Variants in MRC1 observed in about 807,000 individuals in gnomAD.
MRC1 encodes macrophage mannose receptor 1.
Under a neutral mutation model 102.9 loss-of-function variants are expected in MRC1, and 62 were observed. The observed-to-expected ratio is 0.60, with a 90% CI of 0.49 to 0.74. The LOEUF (loss-of-function observed/expected upper bound fraction) is 0.74, where lower values mean the gene tolerates loss of function less well. Ranked by LOEUF, MRC1 falls within the 30% of genes least tolerant of loss-of-function variation. The pLI, the probability that MRC1 is intolerant of heterozygous loss-of-function variation, is 0.00. For missense variants in MRC1, 1,237 were observed against 862.8 expected (o/e 1.43, Z -5.43); for synonymous variants, 457 against 298.4 (o/e 1.53, Z -5.48).
chr10:17,822,974 G>A (rs1838418125), intron 1 of MRC1, 100 bp from the exon 2 acceptor site: 2 of 726,050 alleles, frequency 2.8e-6, no homozygotes, highest in African/African-American at 1.7e-5. Context: ...GGAAATGGAA[G>A]AGTTGGAAAC....
At chr10:17,909,444 C>T in intron 29 of MRC1, 97 bp downstream of exon 29, 1 of 756,416 alleles carries the variant, frequency 1.3e-6, no homozygotes, top group Non-Finnish European at 2.4e-6. Flanking sequence ...CTCCCCTGCT[C>T]TCTCAGTAGA....
intron 28 of MRC1, among the ~76,000 whole-genome samples, chr10:17,908,764 T>C (rs1833930639): frequency 6.6e-6 from 1 of 152,156 alleles, no homozygotes; most frequent in African/African-American, 2.4e-5. Context: ...AGATGGGGTT[T>C]CACTATGTTG....
intron 1 of MRC1, among the ~76,000 whole-genome samples, chr10:17,821,358 A>T (rs1554838264): frequency 6.6e-6 from 1 of 152,172 alleles, no homozygotes; most frequent in African/African-American, 2.4e-5. Flanking sequence ...CTGGATTTTC[A>T]GCTTGTTTTT....
At chr10:17,870,790 G>T in intron 13 of MRC1, 58 bp from the exon 14 acceptor site, 1 of 864,054 alleles carries the variant, frequency 1.2e-6, no homozygotes, top group Non-Finnish European at 2.0e-6. Flanking sequence ...GTCCTCATAA[G>T]TTACTGAACT....
rs782374059 is a variant in MRC1 at position 17,823,361 on chromosome 10, T to C, written c.349T>C (p.Phe117Leu). The change falls in exon 2 of 30, where the codon TTT becomes CTT. Residue 117 changes from phenylalanine (F) to leucine (L), a missense_variant. Phe to Leu is a conservative substitution (Grantham distance 22, BLOSUM62 0). Coordinates refer to ENST00000569591, the MANE Select transcript of MRC1 (RefSeq NM_002438.4). ...LLGIKGEDLF[F>L]NYGNRQEKNI... ...GGGGATCAAAGGAGAAGATTTATTT[T>C]TTAACTACGGCAACAGACAAGAAAA... 1.5e-5 allele frequency: 12 copies of C among 780,762 alleles called. No homozygotes were observed. The Admixed American group carries it at 2.0e-4, about 13-fold the overall frequency. 48.4% of individuals were successfully genotyped at this position (780,762 alleles called of 1,614,324 possible). A position where few individuals can be genotyped will look rare whatever the true frequency, so the allele number is the denominator to read the frequency against.
intron 8 of MRC1, among the ~76,000 whole-genome samples, chr10:17,854,525 G>A (rs1833049106): frequency 3.3e-5 from 5 of 151,970 alleles, no homozygotes. Flanking sequence ...GGAAGGGTGG[G>A]TAGGAACTGA....
Position 17,845,116 on chromosome 10 carries a change from C to A in MRC1, c.917-173C>A, listed in dbSNP as rs371973241. The A allele has an allele frequency of 2.6e-3, 2,004 of 778,356 alleles. 35 individuals carry two copies. In the African/African-American group the frequency reaches 0.031, roughly 12 times the overall value. The allele number at this position is 778,356 out of a possible 1,614,324, so 48.2% of individuals were successfully genotyped here. ...TCCAACGATAAGAAAACAATAGACA[C>A]CCATCGTGTCTTTTGCTCTGCAGTC... On this transcript the variant is annotated intron_variant, in intron 5 of 29. Coordinates refer to ENST00000569591, the MANE Select transcript of MRC1 (RefSeq NM_002438.4).
In MRC1 at chr10:17,879,736, C is replaced by T. The variant is rs1833487476; in HGVS notation, c.2634C>T (p.Ser878=). ...TCTTTTCCAGTTGGATGGATGGAAG[C>T]AAAGTGGATTACGTGTCTTGGGCCA... ...LDKKFAWMDG[S]KVDYVSWATG... Residue 878 remains serine, a synonymous_variant, in exon 19 of 30, where the codon AGC becomes AGT. Coordinates refer to ENST00000569591, the MANE Select transcript of MRC1 (RefSeq NM_002438.4). 3.8e-6 allele frequency: 3 copies of T among 780,724 alleles called. No individual in the cohort carries two copies. Among genetic ancestry groups the T allele is most frequent in the Non-Finnish European group, 7.2e-6 (3 of 417,978 alleles). The allele number at this position is 780,724 out of a possible 1,614,324, so 48.4% of individuals were successfully genotyped here.
At chr10:17,838,471 TATAGGAAGTGAA>T (rs2130621628) in intron 4 of MRC1, among the ~76,000 whole-genome samples, 2 of 151,756 alleles carry the variant, frequency 1.3e-5, no homozygotes, top group South Asian at 4.2e-4. Flanking sequence ...TGAAATAAGA[TATAGGAAGTGAA>T]ATTTGGCTTG....
chr10:17,879,593 C>G, intron 18 of MRC1, 128 bp from the exon 19 acceptor site: 1 of 777,542 alleles, frequency 1.3e-6, no homozygotes, highest in African/African-American at 1.7e-5. Context: ...GAACTCCTGG[C>G]CTCAGGTGAT....
intron 9 of MRC1, among the ~76,000 whole-genome samples, chr10:17,857,769 C>A (rs1833117280): frequency 6.6e-6 from 1 of 152,164 alleles, no homozygotes; most frequent in Non-Finnish European, 1.5e-5. Flanking sequence ...CTTTGGCATA[C>A]AGTGGTGTTG....
chr10:17,889,427 C>CT (rs1159886464), intron 22 of MRC1, among the ~76,000 whole-genome samples: 2 of 151,628 alleles, frequency 1.3e-5, no homozygotes, highest in East Asian at 1.9e-4. Flanking sequence ...TTTTTCTTTT[C>CT]TTTTTTCTTT....
At chr10:17,906,599 A>G (rs989500529) in intron 26 of MRC1, among the ~76,000 whole-genome samples, 33 of 152,248 alleles carry the variant, frequency 2.2e-4, no homozygotes, top group Non-Finnish European at 4.1e-4. Context: ...GTTACTGGCC[A>G]CTGAACCATA....
intron 21 of MRC1, 137 bp from the exon 22 acceptor site, chr10:17,885,132 T>C (rs1487760960): frequency 2.8e-6 from 2 of 715,284 alleles, no homozygotes; most frequent in African/African-American, 3.5e-5. Context: ...TGTTTGTGTG[T>C]TCATGGTAGG....
intron 26 of MRC1, among the ~76,000 whole-genome samples, chr10:17,906,171 A>G (rs926599298): frequency 6.6e-6 from 1 of 151,966 alleles, no homozygotes; most frequent in Non-Finnish European, 1.5e-5. Context: ...TATGTATAGG[A>G]CCAGTCAAAG....
intron 18 of MRC1, among the ~76,000 whole-genome samples, chr10:17,878,702 G>A (rs919083299): frequency 6.6e-6 from 1 of 151,958 alleles, no homozygotes; most frequent in Non-Finnish European, 1.5e-5. Context: ...TTGCTCTGTT[G>A]CCCAGGCTGG....
In MRC1 at chr10:17,909,300, A is replaced by C; in HGVS notation, c.4079-6A>C. On this transcript the variant is annotated splice_polypyrimidine_tract_variant and splice_region_variant and intron_variant, in intron 28 of 29. Coordinates refer to ENST00000569591, the MANE Select transcript of MRC1 (RefSeq NM_002438.4). ...TTTTTATAAATTTTTTTTTTTTTAC[A>C]CACAGTTATTGATGCTAAACCTACT... 1.2e-6 allele frequency: 1 copy of C among 865,590 alleles called. No individual in the cohort carries two copies. The allele number at this position is 865,590 out of a possible 1,614,324, so 53.6% of individuals were successfully genotyped here. A position where few individuals can be genotyped will look rare whatever the true frequency, so the allele number is the denominator to read the frequency against.
chr10:17,826,429 T>C (rs1368616571), intron 2 of MRC1, among the ~76,000 whole-genome samples: 2 of 152,164 alleles, frequency 1.3e-5, no homozygotes, highest in Non-Finnish European at 2.9e-5. Context: ...TCTCAATTCC[T>C]GACCTCTAGT....
chr10:17,895,526 T>C (rs1833742435), intron 23 of MRC1, among the ~76,000 whole-genome samples: 1 of 152,186 alleles, frequency 6.6e-6, no homozygotes, highest in Non-Finnish European at 1.5e-5. Flanking sequence ...AAAGCATCAT[T>C]TGTGCCTCAT....
Sources: allele counts gnomAD v4.1 joint callset (sites outside exome capture counted in the v4.1 genomes callset), GRCh38; gene constraint gnomAD v4.1.1; transcripts MANE v1.5; gene names NCBI Gene and HGNC (gene_info 2026-07-23, HGNC 2026-07-21).